ARNT2: variants seen among roughly 807,000 people sequenced by gnomAD.
ARNT2 encodes the protein aryl hydrocarbon receptor nuclear translocator 2.
In ARNT2, 36 loss-of-function variants were observed where a neutral mutation model predicts 91.7. The ratio of observed to expected loss-of-function variants is 0.39; its 90% CI spans 0.30 to 0.52. The LOEUF (loss-of-function observed/expected upper bound fraction) is 0.52. ARNT2 is among the 20% of genes least tolerant of loss of function. The pLI is 0.72. For synonymous variants in ARNT2, 365 were observed against 347.1 expected (o/e 1.05, Z -0.57); for missense variants, 775 against 939.3 (o/e 0.83, Z 2.29).
intron 3 of ARNT2, among the ~76,000 whole-genome samples, chr15:80,461,956 T>A (rs1259076733): frequency 1.3e-5 from 2 of 152,118 alleles, no homozygotes; most frequent in Non-Finnish European, 2.9e-5. Context: ...CCGATTACAC[T>A]CCAGCAAGTG....
At chr15:80,409,569 C>T (rs933373611) in intron 1 of ARNT2, among the ~76,000 whole-genome samples, 3 of 151,622 alleles carry the variant, frequency 2.0e-5, no homozygotes, top group Non-Finnish European at 4.4e-5. Flanking sequence ...TACTATGTGC[C>T]GGGGACTGAT....
At chr15:80,460,557 C>T (rs1014777221) in intron 3 of ARNT2, among the ~76,000 whole-genome samples, 4 of 152,240 alleles carry the variant, frequency 2.6e-5, no homozygotes, top group African/African-American at 9.6e-5. Flanking sequence ...GGCCTCAGCT[C>T]TTTCTCACAC....
rs755459473 is a variant in ARNT2 at position 80,581,058 on chromosome 15, AGTTCCTG to A, written c.1753-179_1753-173del. 5.8e-5 allele frequency: 40 copies of A among 685,220 alleles called. 1 individual carries two copies. The highest frequency in any genetic ancestry group is 9.6e-5 in the Non-Finnish European group (40 of 414,630). 42.4% of individuals were successfully genotyped at this position (685,220 alleles called of 1,614,324 possible). Reference sequence around the variant, plus strand: ...ACCAGACGTGCCCCAAAGATCCTGCAGTTCCTGGGCCCTCACACACCGGGCTGATCCC... The same window carrying A: ...ACCAGACGTGCCCCAAAGATCCTGCAGGCCCTCACACACCGGGCTGATCCC... On this transcript the variant is annotated intron_variant, in intron 16 of 18. Coordinates refer to ENST00000303329, the MANE Select transcript of ARNT2 (RefSeq NM_014862.4).
At position 80,596,655 on chromosome 15, in the gene ARNT2, T is replaced by G. The variant is rs1224995612; in HGVS notation, c.*2957T>G. 1.9e-5 allele frequency: 3 copies of G among 154,550 alleles called. No homozygotes were observed. The highest frequency in any genetic ancestry group is 1.9e-4 in the East Asian group (1 of 5,282). 9.6% of individuals were successfully genotyped at this position (154,550 alleles called of 1,614,324 possible). A position where few individuals can be genotyped will look rare whatever the true frequency, so the allele number is the denominator to read the frequency against. On this transcript the variant is annotated 3_prime_UTR_variant, in exon 19 of 19. Coordinates refer to ENST00000303329, the MANE Select transcript of ARNT2 (RefSeq NM_014862.4). ...GACTGGAGACGGGCTCAAAGCTGGA[T>G]TAGAAAGGGGAGAGGCACTTGTGAC...
intron 8 of ARNT2, among the ~76,000 whole-genome samples, chr15:80,530,485 C>A (rs980243367): frequency 6.6e-6 from 1 of 152,158 alleles, no homozygotes; most frequent in Admixed American, 6.5e-5. Context: ...GCCTTTTCCT[C>A]ATATGCAGGG....
rs758180998 is a variant in ARNT2 at position 80,514,341 on chromosome 15, A to G, written c.813A>G (p.Lys271=). Residue 271 remains lysine, a synonymous_variant, in exon 8 of 19, where the codon AAA becomes AAG. Transcript: ENST00000303329. ...KRFRNGLGPV[K]EGEAQYAVVH... ...TTAGGAATGGCCTTGGCCCTGTGAA[A>G]GAAGGAGAAGCCCAATATGCTGTGG... The G allele has an allele frequency of 1.2e-6, 2 of 1,614,198 alleles. No homozygotes were observed. The highest frequency in any genetic ancestry group is 2.7e-5 in the African/African-American group (2 of 75,060).
At chr15:80,536,414 G>T (rs1897824389) in intron 8 of ARNT2, among the ~76,000 whole-genome samples, 3 of 152,132 alleles carry the variant, frequency 2.0e-5, no homozygotes, top group South Asian at 2.1e-4. Flanking sequence ...CTTGGCCAGT[G>T]CGATGTTGCC....
chr15:80,581,259 C>A lies in ARNT2; in HGVS notation c.1773C>A (p.Ser591Arg). Residue 591 changes from serine (S) to arginine (R), a missense_variant, in exon 17 of 19, where the codon AGC (serine) becomes AGA (arginine). Physicochemically the swap from Ser to Arg is moderately radical, Grantham distance 110 (BLOSUM62 -1). Transcript: ENST00000303329. ...FPGQQIPSQS[S>R]KTQSSPFGIG... is the part of the protein sequence containing the mutation. ...TGTAGCAAATCCCATCTCAGTCCAGCAAGACTCAGTCATCTCCCTTTGGGA... is the reference window on the plus strand; with the variant it reads ...TGTAGCAAATCCCATCTCAGTCCAGAAAGACTCAGTCATCTCCCTTTGGGA... The A allele has an allele frequency of 1.2e-6, 2 of 1,614,174 alleles. No homozygotes were observed. The highest frequency in any genetic ancestry group is 2.2e-5 in the South Asian group (2 of 91,078).
chr15:80,481,671 C>T (rs1254745868), intron 5 of ARNT2, among the ~76,000 whole-genome samples: 1 of 152,158 alleles, frequency 6.6e-6, no homozygotes, highest in Non-Finnish European at 1.5e-5. Context: ...CATGATTGTG[C>T]CTCTACACTC....
chr15:80,575,163 T>C lies in ARNT2; in HGVS notation c.1513+53T>C, dbSNP rs1898651708. On this transcript the variant is annotated intron_variant, in intron 14 of 18. Coordinates refer to ENST00000303329, the MANE Select transcript of ARNT2 (RefSeq NM_014862.4). Reference sequence around the variant, plus strand: ...TGAGAGTGTGGGTTTACAGTTGCTTTCAGGCCATCTACAGACAGCTACTCT... The same window carrying C: ...TGAGAGTGTGGGTTTACAGTTGCTTCCAGGCCATCTACAGACAGCTACTCT... 7 of 1,599,770 alleles carry C rather than the reference T, an allele frequency of 4.4e-6. No homozygotes were observed. The South Asian group carries it at 6.7e-5, about 15-fold the overall frequency.
At chr15:80,458,182 G>A (rs1896505374) in intron 3 of ARNT2, among the ~76,000 whole-genome samples, 1 of 152,072 alleles carries the variant, frequency 6.6e-6, no homozygotes, top group Non-Finnish European at 1.5e-5. Context: ...CAAAAGGTAA[G>A]TAATAAGTTA....
rs770254726 is a variant in ARNT2 at position 80,574,152 on chromosome 15, C to T, written c.1321C>T (p.Leu441Phe). ...IICTNTNVKQ[L>F]QQQQAELEVH... ...TGTTGTCTTCTTGTTTCACAGGCAA[C>T]TTCAGCAACAGCAGGCAGAATTGGA... is the stretch of plus-strand genomic sequence containing the variant. Residue 441 changes from leucine (L) to phenylalanine (F), a missense_variant, in exon 13 of 19, where the codon CTT becomes TTT. This residue lies in a region of ARNT2 where 325 missense variants were observed against 359.9 expected (regional missense o/e 0.90). Transcript: ENST00000303329. The T allele has an allele frequency of 6.2e-7, 1 of 1,614,192 alleles. No individual in the cohort carries two copies. Among genetic ancestry groups the T allele is most frequent in the Admixed American group, 1.7e-5 (1 of 60,026 alleles).
At chr15:80,419,135 A>G (rs1895827015) in intron 1 of ARNT2, among the ~76,000 whole-genome samples, 1 of 152,146 alleles carries the variant, frequency 6.6e-6, no homozygotes, top group South Asian at 2.1e-4. Context: ...GTGATTTGCA[A>G]ACTTGACCCA....
chr15:80,504,366 T>C (rs1053664490), intron 5 of ARNT2, among the ~76,000 whole-genome samples: 2 of 152,366 alleles, frequency 1.3e-5, no homozygotes, highest in Admixed American at 1.3e-4. Context: ...TAATGGCCTT[T>C]GCCTGTTTAA....
chr15:80,408,207 G>A (rs1374855501), intron 1 of ARNT2, among the ~76,000 whole-genome samples: 1 of 152,184 alleles, frequency 6.6e-6, no homozygotes, highest in African/African-American at 2.4e-5. Flanking sequence ...TGAACTGATT[G>A]GATATCTTTG....
rs923434167 is a variant in ARNT2 at position 80,581,412 on chromosome 15, G to A, written c.1918+8G>A. On this transcript the variant is annotated splice_region_variant and intron_variant, in intron 17 of 18. Coordinates refer to ENST00000303329, the MANE Select transcript of ARNT2 (RefSeq NM_014862.4). ...ACAGGACTCCAGGGTTCGGTAGGTG[G>A]GGAATGAGGGAGTGAGATTCTGGGA... 4.3e-6 allele frequency: 7 copies of A among 1,613,828 alleles called. No homozygotes were observed. In the African/African-American group the frequency reaches 6.7e-5, roughly 15 times the overall value.
At chr15:80,579,757 C>T (rs901270954) in intron 15 of ARNT2, among the ~76,000 whole-genome samples, 3 of 152,112 alleles carry the variant, frequency 2.0e-5, no homozygotes, top group Non-Finnish European at 2.9e-5. Flanking sequence ...CAGTGCCTGC[C>T]GAGGAGCTAA....
chr15:80,409,161 C>T lies in ARNT2; in HGVS notation c.31+4615C>T, dbSNP rs76319901. Among the ~76,000 whole-genome samples the T allele has an allele frequency of 7.5e-3, 1,143 of 152,318 alleles. 7 individuals carry two copies. The highest frequency in any genetic ancestry group is 0.012 in the Non-Finnish European group (787 of 68,038). On this transcript the variant is annotated intron_variant, in intron 1 of 18. Transcript: ENST00000303329. ...CTATGGGTTGGACAAATGTATATGA[C>T]TTATATCTACCGTTATAATATCATG...
chr15:80,516,221 G>A (rs1897432159), intron 8 of ARNT2, among the ~76,000 whole-genome samples: 1 of 152,216 alleles, frequency 6.6e-6, no homozygotes, highest in South Asian at 2.1e-4. Flanking sequence ...TGATAGTGCT[G>A]TTGAGGGCAA....
Sources: allele counts gnomAD v4.1 joint callset (sites outside exome capture counted in the v4.1 genomes callset), GRCh38; gene constraint gnomAD v4.1.1; regional missense constraint gnomAD v4.1.1; transcripts MANE v1.5; gene names NCBI Gene and HGNC (gene_info 2026-07-23, HGNC 2026-07-21).